PRKG1: variants seen among roughly 807,000 people sequenced by gnomAD.
The protein encoded by PRKG1 is cGMP-dependent protein kinase 1.
PRKG1 carries 35 observed loss-of-function variants against 88.1 expected under a neutral mutation model. The ratio of observed to expected loss-of-function variants is 0.40; its 90% CI spans 0.30 to 0.53. The LOEUF is 0.53. PRKG1 is among the 20% of genes least tolerant of loss of function. The pLI, the probability that PRKG1 is intolerant of heterozygous loss-of-function variation, is 0.59. For synonymous variants in PRKG1, 303 were observed against 292.5 expected, an observed-to-expected ratio of 1.04 and a Z score of -0.37; for missense variants, 540 against 839.8, an observed-to-expected ratio of 0.64 and a Z score of 4.41.
chr10:51,849,044 ACT>A (rs1564673909), intron 4 of PRKG1, among the ~76,000 whole-genome samples: 1 of 152,154 alleles, frequency 6.6e-6, no homozygotes, highest in Non-Finnish European at 1.5e-5. Context: ...GCACTAAGCA[ACT>A]TTGTCCTCAA....
At chr10:51,869,268 T>C (rs1371302311) in intron 4 of PRKG1, among the ~76,000 whole-genome samples, 1 of 152,202 alleles carries the variant, frequency 6.6e-6, no homozygotes, top group East Asian at 1.9e-4. Context: ...TTGCCTTAAA[T>C]GCATTTACCC....
At chr10:52,006,097 AAAC>A (rs765057556) in intron 5 of PRKG1, among the ~76,000 whole-genome samples, 1,818 of 71,212 alleles carry the variant, frequency 0.026, 30 homozygotes, top group African/African-American at 0.074. Context: ...ACAAACAAAC[AAAC>A]AAAAAAAACA....
intron 3 of PRKG1, among the ~76,000 whole-genome samples, chr10:51,526,464 A>G (rs998777255): frequency 3.3e-5 from 5 of 152,126 alleles, no homozygotes; most frequent in Non-Finnish European, 7.4e-5. Flanking sequence ...TTCACACTTT[A>G]TTTGTATTGG....
upstream of PRKG1, among the ~76,000 whole-genome samples, chr10:51,072,352 T>G (rs563784657): frequency 6.6e-6 from 1 of 152,266 alleles, no homozygotes; most frequent in African/African-American, 2.4e-5. Context: ...AATAGATCTA[T>G]AGGAAAAAGT....
chr10:51,866,688 C>T (rs1161151988), intron 4 of PRKG1, among the ~76,000 whole-genome samples: 1 of 152,070 alleles, frequency 6.6e-6, no homozygotes, highest in Non-Finnish European at 1.5e-5. Flanking sequence ...TGGAGTGAAT[C>T]TTAATGTTTT....
At chr10:51,837,790 G>A (rs1284621736) in intron 4 of PRKG1, among the ~76,000 whole-genome samples, 1 of 152,144 alleles carries the variant, frequency 6.6e-6, no homozygotes, top group Non-Finnish European at 1.5e-5. Flanking sequence ...CAATGCTTGG[G>A]CCCTAGTATA....
At chr10:51,440,512 A>G (rs1427043884) in intron 2 of PRKG1, among the ~76,000 whole-genome samples, 1 of 151,982 alleles carries the variant, frequency 6.6e-6, no homozygotes, top group African/African-American at 2.4e-5. Flanking sequence ...TCAAGAGACT[A>G]CATGAGCAGA....
chr10:51,694,862 T>C (rs979952153), intron 3 of PRKG1, among the ~76,000 whole-genome samples: 1 of 152,230 alleles, frequency 6.6e-6, no homozygotes, highest in Non-Finnish European at 1.5e-5. Context: ...TCTACATCAA[T>C]ATTGGAATGT....
At chr10:51,482,503 G>A (rs1224967337) in intron 3 of PRKG1, among the ~76,000 whole-genome samples, 1 of 152,066 alleles carries the variant, frequency 6.6e-6, no homozygotes, top group East Asian at 1.9e-4. Flanking sequence ...CCATTGGCCT[G>A]GCTCACTAGG....
At chr10:51,560,869 T>G (rs1159082046) in intron 3 of PRKG1, among the ~76,000 whole-genome samples, 1 of 152,126 alleles carries the variant, frequency 6.6e-6, no homozygotes, top group Non-Finnish European at 1.5e-5. Context: ...TATTGTGTTA[T>G]AATTTATTTC....
intron 2 of PRKG1, among the ~76,000 whole-genome samples, chr10:51,319,127 A>G (rs537913815): frequency 3.3e-4 from 51 of 152,292 alleles, no homozygotes; most frequent in African/African-American, 1.2e-3. Flanking sequence ...AAAGCTTCCT[A>G]GATAGCTCAG....
chr10:51,003,785 G>A (rs1347293270), intron 1 of PRKG1, among the ~76,000 whole-genome samples: 1 of 152,128 alleles, frequency 6.6e-6, no homozygotes, highest in Non-Finnish European at 1.5e-5. Context: ...TGCTTATTTG[G>A]AGGGTTTTAT....
intron 5 of PRKG1, among the ~76,000 whole-genome samples, chr10:51,950,422 G>C (rs915963322): frequency 1.7e-4 from 26 of 152,354 alleles, no homozygotes; most frequent in Non-Finnish European, 2.9e-4. Flanking sequence ...TTTTGGAAGA[G>C]AGAAAGTTGT....
intron 9 of PRKG1, among the ~76,000 whole-genome samples, chr10:52,213,412 A>G (rs982278080): frequency 1.3e-5 from 2 of 152,206 alleles, no homozygotes; most frequent in East Asian, 1.9e-4. Flanking sequence ...TGCAGACTCA[A>G]TGCAAATCTT....
At chr10:51,337,413 G>T (rs1841902295) in intron 2 of PRKG1, among the ~76,000 whole-genome samples, 1 of 152,026 alleles carries the variant, frequency 6.6e-6, no homozygotes, top group African/African-American at 2.4e-5. Flanking sequence ...TGACAAATGG[G>T]ATCTAATTAA....
At chr10:51,905,527 T>A (rs906203552) in intron 4 of PRKG1, among the ~76,000 whole-genome samples, 1 of 152,198 alleles carries the variant, frequency 6.6e-6, no homozygotes, top group Non-Finnish European at 1.5e-5. Context: ...AAGCTATGAT[T>A]AATTAAGACT....
In PRKG1 at chr10:52,288,938, C is replaced by A. The variant is rs766434108; in HGVS notation, c.1840C>A (p.Pro614Thr). Reference protein sequence around the residue: ...NLIKKLCRDNPSERLGNLKNG... With the variant: ...NLIKKLCRDNTSERLGNLKNG... Reference sequence around the variant, plus strand: ...CCATTATTTTATTTTTAGGGACAATCCATCAGAAAGATTAGGGAATTTGAA... The same window carrying A: ...CCATTATTTTATTTTTAGGGACAATACATCAGAAAGATTAGGGAATTTGAA... Residue 614 changes from proline (P) to threonine (T), a missense_variant, in exon 16 of 18, where the codon CCA (proline) becomes ACA (threonine). Around this residue, in one of 5 missense-constraint regions of PRKG1, gnomAD observed 97 missense variants for 210.6 expected, o/e 0.46. Coordinates refer to ENST00000373980, the MANE Select transcript of PRKG1 (RefSeq NM_006258.4). 10 of 1,605,380 alleles carry A rather than the reference C, an allele frequency of 6.2e-6. No individual in the cohort carries two copies. Among genetic ancestry groups the A allele is most frequent in the South Asian group, 5.6e-5 (5 of 89,192 alleles).
chr10:51,599,587 T>C (rs1438162515), intron 3 of PRKG1, among the ~76,000 whole-genome samples: 1 of 152,202 alleles, frequency 6.6e-6, no homozygotes, highest in African/African-American at 2.4e-5. Flanking sequence ...CCACTGCATC[T>C]GTGTGTTTTT....
At position 52,186,651 on chromosome 10, in the gene PRKG1, T is replaced by C. The variant is rs1839209108; in HGVS notation, c.1076+24688T>C. On this transcript the variant is annotated intron_variant, in intron 9 of 17. Transcript: ENST00000373980. ...GCATCACTGGCCTCTACCTACTAGA[T>C]ACCAGCAGCATATTATACATCCCAA... Among the ~76,000 whole-genome samples the C allele has an allele frequency of 2.0e-5, 3 of 152,062 alleles. No homozygotes were observed. The South Asian group carries it at 6.2e-4, about 32-fold the overall frequency.
Sources: gnomAD v4.1 joint callset for allele counts (sites outside exome capture counted in the v4.1 genomes callset) on GRCh38, gnomAD v4.1.1 for gene constraint, gnomAD v4.1.1 regional missense constraint, MANE v1.5 for transcripts, NCBI Gene and HGNC (gene_info 2026-07-23, HGNC 2026-07-21) for gene names.